Variants in CCDC85A observed in about 807,000 individuals in gnomAD.
CCDC85A encodes coiled-coil domain-containing protein 85A.
In CCDC85A, 38 loss-of-function variants were observed where a neutral mutation model predicts 50.2. That is an observed-to-expected ratio of 0.76 (90% CI 0.58 to 0.99). The LOEUF is 0.99. Among genes scored for constraint, CCDC85A ranks in the 50% least tolerant of loss-of-function variants. The pLI, the probability that CCDC85A is intolerant of heterozygous loss-of-function variation, is 0.00. For missense variants in CCDC85A, 820 were observed against 742.0 expected (o/e 1.11, Z -1.22); for synonymous variants, 366 against 301.4 (o/e 1.21, Z -2.22).
At chr2:56,321,381 T>C (rs6621444) in intron 2 of CCDC85A, among the ~76,000 whole-genome samples, 1 of 152,186 alleles carries the variant, frequency 6.6e-6, no homozygotes, top group African/African-American at 2.4e-5. Flanking sequence ...TGATTGTATA[T>C]ATTTAGAAAA....
chr2:56,252,603 T>C (rs143526704), intron 2 of CCDC85A, among the ~76,000 whole-genome samples: 3,017 of 152,234 alleles, frequency 0.02, 53 homozygotes, highest in South Asian at 0.046. Flanking sequence ...GCAGGTTTGT[T>C]ACATAGGTAT....
chr2:56,303,776 G>A (rs560709805), intron 2 of CCDC85A, among the ~76,000 whole-genome samples: 4 of 152,208 alleles, frequency 2.6e-5, no homozygotes, highest in African/African-American at 9.6e-5. Context: ...TGAATGCAAG[G>A]ATCAATTTTT....
At chr2:56,261,895 C>T (rs1670233986) in intron 2 of CCDC85A, among the ~76,000 whole-genome samples, 1 of 152,118 alleles carries the variant, frequency 6.6e-6, no homozygotes, top group Non-Finnish European at 1.5e-5. Flanking sequence ...GCCCAGAGGC[C>T]CAGCCTAAGC....
intron 5 of CCDC85A, 106 bp from the exon 6 acceptor site, chr2:56,384,160 T>A (rs1676718725): frequency 1.1e-6 from 1 of 937,266 alleles, no homozygotes; most frequent in Non-Finnish European, 1.6e-6. Context: ...TTTTGTCTCT[T>A]GTCTTTACTT....
At position 56,326,091 on chromosome 2, in the gene CCDC85A, C is replaced by T. The variant is rs559638617; in HGVS notation, c.1241-16788C>T. On this transcript the variant is annotated intron_variant, in intron 2 of 5. Transcript: ENST00000407595. ...TGAAACTTGCTTAATTTGGCCTTTA[C>T]TTTGTCTCTCTGCAGCATCTATGTT... 2.0e-5 allele frequency among the ~76,000 whole-genome samples: 3 copies of T among 152,214 alleles called. No homozygotes were observed. The East Asian group carries it at 5.8e-4, about 29-fold the overall frequency.
At chr2:56,239,159 C>A (rs1669148681) in intron 2 of CCDC85A, among the ~76,000 whole-genome samples, 1 of 152,074 alleles carries the variant, frequency 6.6e-6, no homozygotes, top group Non-Finnish European at 1.5e-5. Context: ...ATTTCAGTGT[C>A]ATTTTAATCA....
chr2:56,318,794 C>G (rs1470926754), intron 2 of CCDC85A, among the ~76,000 whole-genome samples: 1 of 152,122 alleles, frequency 6.6e-6, no homozygotes, highest in African/African-American at 2.4e-5. Context: ...GGTTTTCACT[C>G]CTATTTCAGA....
chr2:56,292,923 T>A (rs1671783135), intron 2 of CCDC85A, among the ~76,000 whole-genome samples: 1 of 152,232 alleles, frequency 6.6e-6, no homozygotes, highest in Non-Finnish European at 1.5e-5. Flanking sequence ...CAGATAATCT[T>A]CTAAACCCAA....
At chr2:56,332,243 T>G (rs1407449234) in intron 2 of CCDC85A, among the ~76,000 whole-genome samples, 1 of 152,214 alleles carries the variant, frequency 6.6e-6, no homozygotes, top group Non-Finnish European at 1.5e-5. Context: ...CCACACCTAA[T>G]TCTGTGTCTC....
intron 2 of CCDC85A, among the ~76,000 whole-genome samples, chr2:56,229,411 G>C (rs1668684159): frequency 6.6e-6 from 1 of 152,148 alleles, no homozygotes; most frequent in African/African-American, 2.4e-5. Flanking sequence ...TTTAAGGCGA[G>C]ACTAGTAACA....
intron 3 of CCDC85A, among the ~76,000 whole-genome samples, chr2:56,362,337 A>G (rs1198867212): frequency 2.0e-5 from 3 of 152,156 alleles, no homozygotes; most frequent in African/African-American, 7.2e-5. Context: ...GGACATCAAC[A>G]AGGAGATGTC....
chr2:56,358,672 A>G (rs1388196841), intron 3 of CCDC85A, among the ~76,000 whole-genome samples: 1 of 152,236 alleles, frequency 6.6e-6, no homozygotes. Flanking sequence ...CTTACTTACA[A>G]AATAGACAGT....
chr2:56,361,108 G>A (rs186082020), intron 3 of CCDC85A, among the ~76,000 whole-genome samples: 1 of 152,128 alleles, frequency 6.6e-6, no homozygotes, highest in African/African-American at 2.4e-5. Flanking sequence ...AAAAACCTTA[G>A]CCGGGCGTGG....
At chr2:56,219,997 A>G (rs1668251693) in intron 2 of CCDC85A, among the ~76,000 whole-genome samples, 1 of 151,976 alleles carries the variant, frequency 6.6e-6, no homozygotes, top group Non-Finnish European at 1.5e-5. Context: ...GACCAACCAT[A>G]TGGGGAAGAG....
intron 2 of CCDC85A, among the ~76,000 whole-genome samples, chr2:56,226,432 G>A (rs927710367): frequency 1.3e-5 from 2 of 152,116 alleles, no homozygotes; most frequent in African/African-American, 4.8e-5. Context: ...AACTAAGACT[G>A]AAAGCACTTA....
chr2:56,283,195 G>C (rs1028145256), intron 2 of CCDC85A, among the ~76,000 whole-genome samples: 22 of 152,280 alleles, frequency 1.4e-4, no homozygotes, highest in African/African-American at 5.3e-4. Context: ...CTCGGTAGAA[G>C]TACTCTACTC....
At chr2:56,380,735 T>A (rs949494166) in intron 5 of CCDC85A, among the ~76,000 whole-genome samples, 1 of 152,162 alleles carries the variant, frequency 6.6e-6, no homozygotes, top group Non-Finnish European at 1.5e-5. Flanking sequence ...TAAATTTTAA[T>A]ATTTTGAGTA....
chr2:56,215,291 GT>G (rs930221304), intron 2 of CCDC85A, among the ~76,000 whole-genome samples: 72 of 151,900 alleles, frequency 4.7e-4, no homozygotes, highest in African/African-American at 1.7e-3. Context: ...CTTGTTTTTT[GT>G]CATTTCTTTG....
chr2:56,385,715 C>T lies in CCDC85A; in HGVS notation c.*1360C>T, dbSNP rs1676793327. The T allele has an allele frequency of 6.6e-6, 1 of 151,716 alleles. No homozygotes were observed. Among genetic ancestry groups the T allele is most frequent in the South Asian group, 2.1e-4 (1 of 4,820 alleles). 9.4% of individuals were successfully genotyped at this position (151,716 alleles called of 1,614,324 possible). On this transcript the variant is annotated 3_prime_UTR_variant, in exon 6 of 6. Transcript: ENST00000407595. ...TCATTACATAACGAGTTAATTGTCACTAGTAGGAGACTGTGAAGGAATTTT... is the reference window on the plus strand; with the variant it reads ...TCATTACATAACGAGTTAATTGTCATTAGTAGGAGACTGTGAAGGAATTTT...
Sources: allele counts gnomAD v4.1 joint callset (sites outside exome capture counted in the v4.1 genomes callset), GRCh38; gene constraint gnomAD v4.1.1; transcripts MANE v1.5; gene names NCBI Gene and HGNC (gene_info 2026-07-23, HGNC 2026-07-21).